The following TMED3 variants were observed in gnomAD, a reference collection of about 807,000 sequenced individuals.
TMED3 encodes transmembrane p24 trafficking protein 3.
Under a neutral mutation model 15.0 loss-of-function variants are expected in TMED3, and 9 were observed. The ratio of observed to expected loss-of-function variants is 0.60; its 90% confidence interval spans 0.36 to 1.04. The LOEUF (loss-of-function observed/expected upper bound fraction) is 1.04. Among genes scored for constraint, TMED3 ranks in the 50% least tolerant of loss-of-function variants. The probability of loss-of-function intolerance (pLI) is 0.01; values close to 1 mark genes in which losing one functional copy is unlikely to be tolerated. For missense variants in TMED3, 267 were observed against 278.9 expected, an observed-to-expected ratio of 0.96 and a Z score of 0.30; for synonymous variants, 117 against 121.4, an observed-to-expected ratio of 0.96 and a Z score of 0.24.
intron 2 of TMED3, among the ~76,000 whole-genome samples, chr15:79,406,230 C>T (rs1893901344): frequency 6.6e-6 from 1 of 152,198 alleles, no homozygotes; most frequent in Non-Finnish European, 1.5e-5. Flanking sequence ...GCTGTCTTCA[C>T]CGGGGTGAGG....
At chr15:79,336,807 C>T (rs368788768) in intron 2 of TMED3, among the ~76,000 whole-genome samples, 3 of 152,164 alleles carry the variant, frequency 2.0e-5, no homozygotes, top group African/African-American at 7.2e-5. Flanking sequence ...CCCACTACAC[C>T]CACTAGAGTT....
chr15:79,343,885 A>G (rs1054790194), intron 2 of TMED3, among the ~76,000 whole-genome samples: 2 of 152,160 alleles, frequency 1.3e-5, no homozygotes, highest in Non-Finnish European at 1.5e-5. Flanking sequence ...AGGCAGATCT[A>G]GCACTCTGTT....
chr15:79,328,932 T>TC (rs1466365393), intron 2 of TMED3, among the ~76,000 whole-genome samples: 1 of 152,148 alleles, frequency 6.6e-6, no homozygotes, highest in African/African-American at 2.4e-5. Flanking sequence ...TGCCATGAAT[T>TC]CAGTGGCACA....
downstream of TMED3, among the ~76,000 whole-genome samples, chr15:79,323,111 A>G (rs760150947): frequency 3.9e-5 from 6 of 152,226 alleles, no homozygotes; most frequent in Non-Finnish European, 5.9e-5. Flanking sequence ...GGATATCTGC[A>G]TGCCCTGCTC....
At chr15:79,335,389 A>C (rs889726866) in intron 2 of TMED3, among the ~76,000 whole-genome samples, 7 of 152,214 alleles carry the variant, frequency 4.6e-5, no homozygotes, top group African/African-American at 1.2e-4. Flanking sequence ...TGTGACCCCA[A>C]ACTATTTCTT....
intron 2 of TMED3, among the ~76,000 whole-genome samples, chr15:79,368,577 G>A (rs1893280662): frequency 6.6e-6 from 1 of 152,166 alleles, no homozygotes; most frequent in African/African-American, 2.4e-5. Flanking sequence ...GCCAGGAATT[G>A]GGGGTTAATT....
intron 2 of TMED3, among the ~76,000 whole-genome samples, chr15:79,402,688 G>A (rs564700344): frequency 1.3e-5 from 2 of 152,170 alleles, no homozygotes; most frequent in Non-Finnish European, 2.9e-5. Flanking sequence ...TTGGGAGGCT[G>A]AGGCAGGGAA....
At chr15:79,329,017 C>T (rs1306573556) in intron 2 of TMED3, among the ~76,000 whole-genome samples, 1 of 152,198 alleles carries the variant, frequency 6.6e-6, no homozygotes, top group East Asian at 1.9e-4. Context: ...TCCAGTCCTC[C>T]TTGTCCTCCC....
At chr15:79,338,568 G>A (rs570896626) in intron 2 of TMED3, among the ~76,000 whole-genome samples, 1 of 152,270 alleles carries the variant, frequency 6.6e-6, no homozygotes, top group East Asian at 1.9e-4. Flanking sequence ...AATAAGAATA[G>A]TTATACCAGA....
At chr15:79,348,223 A>G (rs911352002) in intron 2 of TMED3, among the ~76,000 whole-genome samples, 1 of 152,208 alleles carries the variant, frequency 6.6e-6, no homozygotes, top group Non-Finnish European at 1.5e-5. Context: ...CCTAACACAG[A>G]TGACAGGTCA....
At chr15:79,322,927 T>C, downstream of TMED3, 4 of 980,194 alleles carry the variant, frequency 4.1e-6, no homozygotes, top group African/African-American at 1.7e-5. Context: ...AATTAGAATG[T>C]GACATAGAGT....
chr15:79,339,986 C>G (rs2058845725), intron 2 of TMED3, among the ~76,000 whole-genome samples: 1 of 151,968 alleles, frequency 6.6e-6, no homozygotes, highest in Non-Finnish European at 1.5e-5. Context: ...CACACACACA[C>G]TACTGCATAA....
At chr15:79,350,082 A>G (rs2058886146) in intron 2 of TMED3, among the ~76,000 whole-genome samples, 1 of 152,150 alleles carries the variant, frequency 6.6e-6, no homozygotes, top group Non-Finnish European at 1.5e-5. Flanking sequence ...CCCAGTGCCT[A>G]GAGGAGTGGC....
chr15:79,382,636 C>A (rs1416505161), intron 2 of TMED3, among the ~76,000 whole-genome samples: 1 of 152,198 alleles, frequency 6.6e-6, no homozygotes, highest in East Asian at 1.9e-4. Context: ...GTGCTCAGCT[C>A]CTTTGGCTCA....
chr15:79,388,469 A>G (rs1489322553), intron 2 of TMED3, among the ~76,000 whole-genome samples: 1 of 151,966 alleles, frequency 6.6e-6, no homozygotes, highest in Non-Finnish European at 1.5e-5. Context: ...TTGTATATAC[A>G]TATACCACAG....
chr15:79,387,189 A>G lies in TMED3; in HGVS notation c.418-24211A>G, dbSNP rs114613391. 4.2e-3 allele frequency among the ~76,000 whole-genome samples: 641 copies of G among 152,266 alleles called. 6 individuals carry two copies. Among genetic ancestry groups the G allele is most frequent in the African/African-American group, 0.015 (617 of 41,562 alleles). ...TAAAAGCTTTAGAATTTTGCCTTTT[A>G]TATTTAAGTCTATAATCCCCCTGGA... On this transcript the variant is annotated intron_variant, in intron 2 of 2. Transcript: ENST00000424155.
At chr15:79,329,160 A>T (rs905545743) in intron 2 of TMED3, among the ~76,000 whole-genome samples, 3 of 152,062 alleles carry the variant, frequency 2.0e-5, no homozygotes, top group African/African-American at 7.2e-5. Context: ...TTCTTCTGTG[A>T]TTTTCTCTGT....
chr15:79,388,369 G>C (rs960273984), intron 2 of TMED3, among the ~76,000 whole-genome samples: 4 of 151,466 alleles, frequency 2.6e-5, no homozygotes, highest in African/African-American at 9.7e-5. Flanking sequence ...TTTTTGAGAT[G>C]ATCATATTAT....
downstream of TMED3, among the ~76,000 whole-genome samples, chr15:79,327,577 G>C (rs2058791945): frequency 6.6e-6 from 1 of 152,236 alleles, no homozygotes; most frequent in African/African-American, 2.4e-5. Flanking sequence ...CCTGCTGTTT[G>C]ATCCTGTATG....
Sources: gnomAD v4.1 joint callset for allele counts (sites outside exome capture counted in the v4.1 genomes callset) on GRCh38, gnomAD v4.1.1 for gene constraint, MANE v1.5 for transcripts, NCBI Gene and HGNC (gene_info 2026-07-23, HGNC 2026-07-21) for gene names.